The following NLGN1 variants were observed in gnomAD, a reference collection of about 807,000 sequenced individuals.
NLGN1 encodes the protein neuroligin-1.
NLGN1 carries 12 observed loss-of-function variants against 65.5 expected under a neutral mutation model. That is an observed-to-expected ratio of 0.18 (90% CI 0.12 to 0.30). The LOEUF (loss-of-function observed/expected upper bound fraction) is 0.30. Ranked by LOEUF, NLGN1 falls within the 10% of genes least tolerant of loss-of-function variation. The pLI is 1.00. For missense variants in NLGN1, 750 were observed against 1,007.1 expected (o/e 0.74, Z 3.46); for synonymous variants, 350 against 359.5 (o/e 0.97, Z 0.30).
chr3:174,281,334 A>T (rs1751509829), exon 7 of NLGN1: 10 of 1,417,612 alleles, frequency 7.1e-6, no homozygotes, highest in Non-Finnish European at 9.8e-6. Context: ...ATTTTTTTTG[A>T]TGGATTGCAG....
intron 4 of NLGN1, among the ~76,000 whole-genome samples, chr3:173,894,297 G>C (rs115439334): frequency 6.6e-6 from 1 of 152,120 alleles, no homozygotes; most frequent in Non-Finnish European, 1.5e-5. Context: ...ATGAAGCACC[G>C]TGACTTACCA....
chr3:173,794,498 CA>C (rs1713550954), intron 3 of NLGN1, among the ~76,000 whole-genome samples: 1 of 152,078 alleles, frequency 6.6e-6, no homozygotes, highest in African/African-American at 2.4e-5. Flanking sequence ...CTTGTGTTCT[CA>C]CCAGACTCCT....
At chr3:173,855,093 A>G (rs1395725920) in intron 4 of NLGN1, among the ~76,000 whole-genome samples, 3 of 152,030 alleles carry the variant, frequency 2.0e-5, no homozygotes, top group African/African-American at 7.3e-5. Flanking sequence ...CTGTCACTTT[A>G]GACGCTTTAA....
chr3:173,726,668 A>T lies in NLGN1; in HGVS notation c.494-81012A>T, dbSNP rs189560456. ...CAAATATTTATTGAAGGAATAACAC[A>T]TGTTTTTCTTCATTTGGTTTATATC... On this transcript the variant is annotated intron_variant, in intron 3 of 6. Transcript: ENST00000457714. Among the ~76,000 whole-genome samples the T allele has an allele frequency of 3.9e-5, 6 of 152,188 alleles. No individual in the cohort carries two copies. The East Asian group carries it at 1.2e-3, about 29-fold the overall frequency.
At position 173,993,383 on chromosome 3, in the gene NLGN1, T is replaced by C. The variant is rs1015654623; in HGVS notation, c.646+185551T>C. ...TAAATAGTGCATTTTCGGCTAGCTG[T>C]ATTTGTAGCACAATGTCAGATTGAA... On this transcript the variant is annotated intron_variant, in intron 4 of 6. Transcript: ENST00000457714. Among the ~76,000 whole-genome samples, 7 of 152,352 alleles carry C rather than the reference T, an allele frequency of 4.6e-5. No individual in the cohort carries two copies. In the South Asian group the frequency reaches 1.4e-3, roughly 32 times the overall value.
intron 4 of NLGN1, among the ~76,000 whole-genome samples, chr3:173,958,893 G>A (rs1316499150): frequency 6.6e-6 from 1 of 152,192 alleles, no homozygotes; most frequent in Admixed American, 6.5e-5. Context: ...GGCAGCAGGG[G>A]GTTGTCACGT....
At chr3:173,588,379 A>T (rs1747864962) in intron 2 of NLGN1, among the ~76,000 whole-genome samples, 1 of 152,162 alleles carries the variant, frequency 6.6e-6, no homozygotes, top group Non-Finnish European at 1.5e-5. Context: ...GTCAAATATT[A>T]CTATGTTGGT....
At chr3:174,034,462 T>C (rs1730697191) in intron 4 of NLGN1, among the ~76,000 whole-genome samples, 1 of 152,002 alleles carries the variant, frequency 6.6e-6, no homozygotes, top group Non-Finnish European at 1.5e-5. Flanking sequence ...AAAAGATAAC[T>C]ATTAAAAAAT....
chr3:174,144,227 C>T (rs1722795266), intron 4 of NLGN1, among the ~76,000 whole-genome samples: 1 of 152,098 alleles, frequency 6.6e-6, no homozygotes, highest in Non-Finnish European at 1.5e-5. Context: ...CATCCATGTC[C>T]CTGCAAACAA....
chr3:173,749,530 A>T (rs1373417067), intron 3 of NLGN1, among the ~76,000 whole-genome samples: 1 of 152,088 alleles, frequency 6.6e-6, no homozygotes, highest in Non-Finnish European at 1.5e-5. Context: ...TTGAATGCCA[A>T]TCAATCAAAC....
intron 3 of NLGN1, among the ~76,000 whole-genome samples, chr3:173,676,611 A>C (rs1052599626): frequency 2.6e-5 from 4 of 152,130 alleles, no homozygotes; most frequent in African/African-American, 9.7e-5. Context: ...ATTGGAAAAT[A>C]CATTTTATTC....
At chr3:174,272,133 G>A (rs1749516373) in intron 4 of NLGN1, among the ~76,000 whole-genome samples, 1 of 151,674 alleles carries the variant, frequency 6.6e-6, no homozygotes, top group Non-Finnish European at 1.5e-5. Flanking sequence ...TGTTAAGAAT[G>A]ATTTAAGTGA....
chr3:174,249,777 G>A (rs930076951), intron 4 of NLGN1, among the ~76,000 whole-genome samples: 1 of 152,150 alleles, frequency 6.6e-6, no homozygotes, highest in African/African-American at 2.4e-5. Context: ...AAAACCAGGG[G>A]AGTTTTCTCT....
At chr3:173,563,477 G>C (rs1348486344) in intron 2 of NLGN1, among the ~76,000 whole-genome samples, 5 of 152,154 alleles carry the variant, frequency 3.3e-5, no homozygotes, top group African/African-American at 4.8e-5. Context: ...AAGAGAAGTA[G>C]TAAAGTTAAA....
intron 3 of NLGN1, among the ~76,000 whole-genome samples, chr3:173,709,182 TGC>T (rs977862541): frequency 6.6e-6 from 1 of 152,186 alleles, no homozygotes; most frequent in African/African-American, 2.4e-5. Flanking sequence ...ATTTCTCATT[TGC>T]GCTGTATCTA....
chr3:173,547,108 C>T (rs974204409), intron 2 of NLGN1, among the ~76,000 whole-genome samples: 2 of 152,068 alleles, frequency 1.3e-5, no homozygotes, highest in African/African-American at 4.8e-5. Context: ...ACTTGGGACT[C>T]GAAAGACTTG....
At chr3:174,085,037 A>G (rs187824933) in intron 4 of NLGN1, among the ~76,000 whole-genome samples, 1 of 152,026 alleles carries the variant, frequency 6.6e-6, no homozygotes, top group Admixed American at 6.6e-5. Context: ...TCTCATATTT[A>G]AAATATATTT....
intron 2 of NLGN1, among the ~76,000 whole-genome samples, chr3:173,444,645 C>A (rs1719835500): frequency 6.6e-6 from 1 of 152,020 alleles, no homozygotes; most frequent in Non-Finnish European, 1.5e-5. Context: ...CTTGAAAATG[C>A]CCTTACTATA....
chr3:173,831,440 A>T (rs893823547), intron 4 of NLGN1, among the ~76,000 whole-genome samples: 1 of 152,224 alleles, frequency 6.6e-6, no homozygotes, highest in Non-Finnish European at 1.5e-5. Flanking sequence ...GCCTGCCCAT[A>T]TACACAGAAC....
Sources: allele counts gnomAD v4.1 joint callset (sites outside exome capture counted in the v4.1 genomes callset), GRCh38; gene constraint gnomAD v4.1.1; transcripts MANE v1.5; gene names NCBI Gene and HGNC (gene_info 2026-07-23, HGNC 2026-07-21).